ASTN2: variants seen among roughly 807,000 people sequenced by gnomAD.
ASTN2 encodes the protein astrotactin-2.
In ASTN2, 54 loss-of-function variants were observed where a neutral mutation model predicts 139.8. The ratio of observed to expected loss-of-function variants is 0.39; its 90% CI spans 0.31 to 0.48. The LOEUF is 0.48. Ranked by LOEUF, ASTN2 falls within the 20% of genes least tolerant of loss-of-function variation. ASTN2 has a pLI of 0.95. For synonymous variants in ASTN2, 756 were observed against 719.5 expected (o/e 1.05, Z -0.81); for missense variants, 1,565 against 1,725.1 (o/e 0.91, Z 1.64).
At position 116,776,786 on chromosome 9, in the gene ASTN2, A is replaced by G. The variant is rs528596119; in HGVS notation, c.2396+28846T>C. ...TAATGAGTAAGTAATCCTGAAAATC[A>G]CTGTCCAGTAAGCCTGGTGTCAATA... On this transcript the variant is annotated intron_variant, in intron 13 of 22. Coordinates refer to ENST00000313400, the MANE Select transcript of ASTN2 (RefSeq NM_001365068.1). 7.9e-5 allele frequency among the ~76,000 whole-genome samples: 12 copies of G among 152,274 alleles called. No homozygotes were observed. In the South Asian group the frequency reaches 2.3e-3, roughly 29 times the overall value.
At chr9:116,537,581 G>T (rs945958102) in intron 19 of ASTN2, among the ~76,000 whole-genome samples, 1 of 152,198 alleles carries the variant, frequency 6.6e-6, no homozygotes, top group Non-Finnish European at 1.5e-5. Flanking sequence ...AAAATTTGGT[G>T]AAAGCTAACT....
intron 19 of ASTN2, among the ~76,000 whole-genome samples, chr9:116,503,700 A>G (rs551921130): frequency 6.5e-4 from 99 of 152,268 alleles, no homozygotes; most frequent in African/African-American, 2.2e-3. Flanking sequence ...CTGCAATGTA[A>G]AATATAAACA....
At chr9:116,968,999 T>A (rs1310756056) in intron 10 of ASTN2, among the ~76,000 whole-genome samples, 1 of 152,148 alleles carries the variant, frequency 6.6e-6, no homozygotes. Context: ...GTTTTTCTTA[T>A]CCAACATCTA....
intron 10 of ASTN2, among the ~76,000 whole-genome samples, chr9:116,968,898 CA>C (rs34706777): frequency 0.039 from 3,640 of 93,552 alleles, 99 homozygotes; most frequent in African/African-American, 0.1. Flanking sequence ...GACTCTGTCT[CA>C]AAAAAAAAAA....
chr9:116,761,233 AC>A (rs1224769755), intron 13 of ASTN2, among the ~76,000 whole-genome samples: 1 of 152,196 alleles, frequency 6.6e-6, no homozygotes, highest in African/African-American at 2.4e-5. Flanking sequence ...CCAGGCATGA[AC>A]CTAGGCTCTC....
At chr9:117,349,044 G>C (rs1260099063) in intron 1 of ASTN2, among the ~76,000 whole-genome samples, 8 of 152,196 alleles carry the variant, frequency 5.3e-5, no homozygotes, top group Admixed American at 4.6e-4. Context: ...GTGCCATAGA[G>C]AGAGCTAGGC....
rs150748459 is a variant in ASTN2 at position 117,381,619 on chromosome 9, C to T, written c.442+32878G>A. Among the ~76,000 whole-genome samples, 510 of 152,176 alleles carry T rather than the reference C, an allele frequency of 3.4e-3. 4 individuals are homozygous for T. The highest frequency in any genetic ancestry group is 0.012 in the African/African-American group (497 of 41,518). ...TGCCTTCCACCATGAGCAAAAGCTC[C>T]CTGAGACCTCCCCAGAAGCAGATGC... On this transcript the variant is annotated intron_variant, in intron 1 of 22. Coordinates refer to ENST00000313400, the MANE Select transcript of ASTN2 (RefSeq NM_001365068.1).
intron 2 of ASTN2, among the ~76,000 whole-genome samples, chr9:117,289,899 T>G (rs1425770258): frequency 1.3e-5 from 2 of 152,234 alleles, no homozygotes; most frequent in East Asian, 3.8e-4. Context: ...TTAACATTGC[T>G]GTCTGGCTGG....
At chr9:116,638,771 A>G (rs753158053) in intron 17 of ASTN2, among the ~76,000 whole-genome samples, 11 of 143,512 alleles carry the variant, frequency 7.7e-5, no homozygotes, top group Non-Finnish European at 1.1e-4. Context: ...CAACATTTGG[A>G]TCTTATTTAG....
chr9:117,018,608 T>C (rs1837784326), intron 6 of ASTN2, among the ~76,000 whole-genome samples: 1 of 152,176 alleles, frequency 6.6e-6, no homozygotes, highest in African/African-American at 2.4e-5. Context: ...GGAAAAAGCA[T>C]AGACCTTGAA....
chr9:117,388,717 T>C (rs1368204708), intron 1 of ASTN2, among the ~76,000 whole-genome samples: 2 of 152,170 alleles, frequency 1.3e-5, no homozygotes. Flanking sequence ...TGTGACGGCC[T>C]GGGCTGGTGA....
chr9:116,549,506 A>G lies in ASTN2; in HGVS notation c.3356-62006T>C, dbSNP rs375124441. On this transcript the variant is annotated intron_variant, in intron 19 of 22. Transcript: ENST00000313400. The stretch of plus-strand genomic sequence containing the variant: ...GCCCAGGGCTGGAGCCTGCGTGGGG[A>G]CGGTCTGACTCACAGCTGCTACTTC... Among the ~76,000 whole-genome samples, 4 of 152,234 alleles carry G rather than the reference A, an allele frequency of 2.6e-5. No homozygotes were observed. In the East Asian group the frequency reaches 5.8e-4, roughly 22 times the overall value.
chr9:116,993,872 A>ATT (rs1431725957), intron 7 of ASTN2, among the ~76,000 whole-genome samples: 13 of 135,678 alleles, frequency 9.6e-5, no homozygotes, highest in African/African-American at 3.7e-4. Flanking sequence ...ATATATATAT[A>ATT]TATATTTTAA....
Position 116,651,704 on chromosome 9 carries a change from C to T in ASTN2, c.2896G>A (p.Asp966Asn), listed in dbSNP as rs1244341723. ...TCCACACCTGAAATGAGCTGGTCAT[C>T]TGACAGCATCTGGGCTGTCAGCAAA... The part of the protein sequence containing the change: ...SGLLTAQMLS[D>N]DQLISGVEIR... Residue 966 changes from aspartate to asparagine, a missense_variant, in exon 17 of 23, where the codon GAT (aspartate) becomes AAT (asparagine). Around this residue, in one of 4 missense-constraint regions of ASTN2, gnomAD observed 48 missense variants for 90.7 expected, o/e 0.53. Coordinates refer to ENST00000313400, the MANE Select transcript of ASTN2 (RefSeq NM_001365068.1). The T allele has an allele frequency of 1.9e-6, 3 of 1,614,084 alleles. No individual in the cohort carries two copies. Among genetic ancestry groups the T allele is most frequent in the Non-Finnish European group, 1.7e-6 (2 of 1,180,058 alleles).
At chr9:116,915,023 T>C (rs115530346) in intron 10 of ASTN2, among the ~76,000 whole-genome samples, 155 of 152,306 alleles carry the variant, frequency 1.0e-3, no homozygotes, top group African/African-American at 3.7e-3. Context: ...AGCCCAGGAT[T>C]AGTGGGCAGC....
rs1021172913 is a variant in ASTN2 at position 116,601,370 on chromosome 9, A to G, written c.3355+16954T>C. 4.6e-5 allele frequency among the ~76,000 whole-genome samples: 7 copies of G among 152,246 alleles called. No individual in the cohort carries two copies. The East Asian group carries it at 5.8e-4, about 13-fold the overall frequency. ...TTATAAATAAGATACCTATTCATCA[A>G]ATATTTATTGAGTGCCCATGGTATG... On this transcript the variant is annotated intron_variant, in intron 19 of 22. Coordinates refer to ENST00000313400, the MANE Select transcript of ASTN2 (RefSeq NM_001365068.1).
At chr9:116,657,110 C>T (rs919195249) in intron 16 of ASTN2, among the ~76,000 whole-genome samples, 2 of 152,124 alleles carry the variant, frequency 1.3e-5, no homozygotes, top group Non-Finnish European at 2.9e-5. Flanking sequence ...AAAGCAATTG[C>T]TCTGAGGCCT....
In ASTN2 at chr9:117,107,900, T is replaced by C. The variant is rs541764602; in HGVS notation, c.1169-11749A>G. On this transcript the variant is annotated intron_variant, in intron 4 of 22. Coordinates refer to ENST00000313400, the MANE Select transcript of ASTN2 (RefSeq NM_001365068.1). The stretch of plus-strand genomic sequence containing the variant: ...TTCTTCTAGTCTCTCAAGATGTACT[T>C]TTTTGGTCCTAATCTTCTGATCTCA... 3.9e-5 allele frequency among the ~76,000 whole-genome samples: 6 copies of C among 152,310 alleles called. No homozygotes were observed. The East Asian group carries it at 1.2e-3, about 29-fold the overall frequency.
chr9:116,924,311 T>C (rs1056733876), intron 10 of ASTN2, among the ~76,000 whole-genome samples: 3 of 149,274 alleles, frequency 2.0e-5, no homozygotes, highest in Admixed American at 6.7e-5. Flanking sequence ...GATCCTGTAA[T>C]CCCAGCTACT....
Sources: gnomAD v4.1 joint callset for allele counts (sites outside exome capture counted in the v4.1 genomes callset) on GRCh38, gnomAD v4.1.1 for gene constraint, gnomAD v4.1.1 regional missense constraint, MANE v1.5 for transcripts, NCBI Gene and HGNC (gene_info 2026-07-23, HGNC 2026-07-21) for gene names.